ANKDD1B: variants seen among roughly 807,000 people sequenced by gnomAD.
ANKDD1B encodes the protein ankyrin repeat and death domain containing 1B.
In ANKDD1B, 57 loss-of-function variants were observed where a neutral mutation model predicts 59.7. The ratio of observed to expected loss-of-function variants is 0.95; its 90% CI spans 0.77 to 1.19. ANKDD1B has a LOEUF of 1.19. ANKDD1B is among the 50% of genes most tolerant of loss of function. The probability of loss-of-function intolerance (pLI) is 0.00; values close to 1 mark genes in which losing one functional copy is unlikely to be tolerated. For missense variants in ANKDD1B, 602 were observed against 641.9 expected (o/e 0.94, Z 0.67); for synonymous variants, 216 against 239.5 (o/e 0.90, Z 0.91).
rs116111001 is a variant in ANKDD1B at position 75,649,868 on chromosome 5, G to A, written c.799-3274G>A. ...CTGATCTACAAGTCTACCAATCTAT[G>A]GATCAATTGATTGTCCACCACCACT... is the stretch of plus-strand genomic sequence containing the variant. On this transcript the variant is annotated intron_variant, in intron 7 of 13. Transcript: ENST00000601380. 7.3e-3 allele frequency among the ~76,000 whole-genome samples: 1,117 copies of A among 152,280 alleles called. 6 individuals are homozygous for A. The highest frequency in any genetic ancestry group is 0.012 in the Non-Finnish European group (806 of 68,016).
chr5:75,632,744 CTGAGT>C (rs1368821766), intron 5 of ANKDD1B, among the ~76,000 whole-genome samples: 5 of 152,188 alleles, frequency 3.3e-5, no homozygotes, highest in African/African-American at 4.8e-5. Context: ...CACACTCATG[CTGAGT>C]TATGTACCCC....
chr5:75,617,610 TG>T (rs1773746808), intron 2 of ANKDD1B, among the ~76,000 whole-genome samples: 1 of 152,126 alleles, frequency 6.6e-6, no homozygotes, highest in Admixed American at 6.6e-5. Flanking sequence ...AAGGTGGGTG[TG>T]GCAGAGGTGG....
At chr5:75,666,156 C>A (rs952613866) in intron 11 of ANKDD1B, among the ~76,000 whole-genome samples, 2 of 152,128 alleles carry the variant, frequency 1.3e-5, no homozygotes, top group Admixed American at 6.6e-5. Flanking sequence ...ACAAAAGGAA[C>A]CTTTCAACAG....
rs571959691 is a variant in ANKDD1B at position 75,613,833 on chromosome 5, C to T, written c.193+2006C>T. Among the ~76,000 whole-genome samples the T allele has an allele frequency of 3.9e-5, 6 of 152,260 alleles. No homozygotes were observed. In the South Asian group the frequency reaches 6.2e-4, roughly 16 times the overall value. ...ACATCTGAGTGACTGGACTTAAAAA[C>T]GATCTATTTCTGACTGGGTGTGGTG... On this transcript the variant is annotated intron_variant, in intron 1 of 13. Transcript: ENST00000601380.
In ANKDD1B at chr5:75,666,922, A is replaced by C. The variant is rs1414440155; in HGVS notation, c.1322A>C (p.Glu441Ala). 6.5e-7 allele frequency: 1 copy of C among 1,530,988 alleles called. No individual in the cohort carries two copies. The highest frequency in any genetic ancestry group is 8.7e-7 in the Non-Finnish European group (1 of 1,144,940). The allele number at this position is 1,530,988 out of a possible 1,614,324, so 94.8% of individuals were successfully genotyped here. A position where few individuals can be genotyped will look rare whatever the true frequency, so the allele number is the denominator to read the frequency against. Residue 441 changes from glutamate to alanine, a missense_variant, in exon 12 of 14, where the codon GAG (glutamate) becomes GCG (alanine). Physicochemically the swap from Glu to Ala is moderately radical, Grantham distance 107. Around this residue, in one of 3 missense-constraint regions of ANKDD1B, gnomAD observed 280 missense variants for 319.8 expected, o/e 0.88. Coordinates refer to ENST00000601380, the MANE Select transcript of ANKDD1B (RefSeq NM_001276713.2). ...DLAYHQLKAN[E>A]WQRLARSWNF... Reference sequence around the variant, plus strand: ...GCTTACCATCAGCTGAAGGCCAATGAGTGGCAGAGGCTGGCCCGTTCGTGG... The same window carrying C: ...GCTTACCATCAGCTGAAGGCCAATGCGTGGCAGAGGCTGGCCCGTTCGTGG...
intron 8 of ANKDD1B, among the ~76,000 whole-genome samples, chr5:75,655,586 A>G (rs899018801): frequency 4.7e-4 from 72 of 152,308 alleles, no homozygotes; most frequent in African/African-American, 1.7e-3. Flanking sequence ...GTTCTTCAGA[A>G]TAGTCTTTTC....
intron 12 of ANKDD1B, among the ~76,000 whole-genome samples, chr5:75,668,191 T>C (rs1775364646): frequency 6.6e-6 from 1 of 152,136 alleles, no homozygotes; most frequent in African/African-American, 2.4e-5. Flanking sequence ...ATGGAACCTT[T>C]ATGGAGGGCC....
rs146955921 is a variant in ANKDD1B, at chr5:75,663,584, A to C, written c.1191+95A>C. The C allele has an allele frequency of 2.9e-4, 282 of 973,904 alleles. 7 individuals are homozygous for C. In the East Asian group the frequency reaches 7.2e-3, roughly 25 times the overall value. The allele number at this position is 973,904 out of a possible 1,614,324, so 60.3% of individuals were successfully genotyped here. A position where few individuals can be genotyped will look rare whatever the true frequency, so the allele number is the denominator to read the frequency against. On this transcript the variant is annotated intron_variant, in intron 11 of 13. Coordinates refer to ENST00000601380, the MANE Select transcript of ANKDD1B (RefSeq NM_001276713.2). The stretch of plus-strand genomic sequence containing the variant: ...GGGGGTCTGTGCCATTCTTTGCTCT[A>C]ATGAGCAGAGCTCTGGTCAGTACAA...
At chr5:75,638,516 A>T (rs11960741) in intron 7 of ANKDD1B, among the ~76,000 whole-genome samples, 13,663 of 152,208 alleles carry the variant, frequency 0.09, 1,492 homozygotes, top group African/African-American at 0.26. Flanking sequence ...AGAAAGTTTG[A>T]TCATGTGGCT....
intron 3 of ANKDD1B, among the ~76,000 whole-genome samples, chr5:75,624,286 AG>A: frequency 6.6e-6 from 1 of 152,306 alleles, no homozygotes; most frequent in South Asian, 2.1e-4. Flanking sequence ...CCAGAATTTG[AG>A]ATTAGTTCTG....
intron 5 of ANKDD1B, among the ~76,000 whole-genome samples, chr5:75,631,000 A>C (rs1774139391): frequency 6.6e-6 from 1 of 152,210 alleles, no homozygotes; most frequent in Non-Finnish European, 1.5e-5. Flanking sequence ...CATATGCCCA[A>C]TCTCGAACCA....
chr5:75,657,818 C>A (rs187798129), intron 9 of ANKDD1B, among the ~76,000 whole-genome samples: 11 of 151,794 alleles, frequency 7.2e-5, no homozygotes, highest in Non-Finnish European at 1.6e-4. Context: ...ATTGCTTGAA[C>A]CCAGGAGGTG....
intron 11 of ANKDD1B, among the ~76,000 whole-genome samples, chr5:75,665,472 G>T (rs1309670723): frequency 6.6e-6 from 1 of 152,140 alleles, no homozygotes; most frequent in Non-Finnish European, 1.5e-5. Flanking sequence ...AAGTGAAGTG[G>T]CCCACAGCTC....
At chr5:75,648,280 A>ATT (rs1774711530) in intron 7 of ANKDD1B, among the ~76,000 whole-genome samples, 3 of 139,492 alleles carry the variant, frequency 2.2e-5, no homozygotes, top group Admixed American at 7.2e-5. Flanking sequence ...AAAAAAAAAA[A>ATT]AAAGAATTCA....
chr5:75,616,419 T>A (rs952941074), intron 1 of ANKDD1B, among the ~76,000 whole-genome samples: 1 of 152,198 alleles, frequency 6.6e-6, no homozygotes, highest in East Asian at 1.9e-4. Context: ...GTTTTATCTC[T>A]GTAAGCTGTA....
At chr5:75,619,928 G>A (rs570306082) in intron 2 of ANKDD1B, among the ~76,000 whole-genome samples, 3 of 152,094 alleles carry the variant, frequency 2.0e-5, no homozygotes, top group East Asian at 1.9e-4. Flanking sequence ...GAAAATTTCC[G>A]CTATGCATTA....
Position 75,652,324 on chromosome 5 carries a change from GCT to G in ANKDD1B, c.799-815_799-814del, listed in dbSNP as rs1476155310. The stretch of plus-strand genomic sequence containing the variant: ...GTCTGTTGCACACGTGTTCCCTAGG[GCT>G]CTGACACTTTTATGGGAGACACTTA... On this transcript the variant is annotated intron_variant, in intron 7 of 13. Coordinates refer to ENST00000601380, the MANE Select transcript of ANKDD1B (RefSeq NM_001276713.2). Among the ~76,000 whole-genome samples the G allele has an allele frequency of 2.0e-5, 3 of 152,202 alleles. No individual in the cohort carries two copies. In the East Asian group the frequency reaches 5.8e-4, roughly 29 times the overall value.
At chr5:75,627,768 A>G (rs1774031101) in intron 5 of ANKDD1B, among the ~76,000 whole-genome samples, 1 of 152,160 alleles carries the variant, frequency 6.6e-6, no homozygotes, top group African/African-American at 2.4e-5. Context: ...TCCATGAAAG[A>G]TGGTAGTGTG....
chr5:75,624,936 C>T (rs552037565), intron 3 of ANKDD1B, among the ~76,000 whole-genome samples: 2 of 152,242 alleles, frequency 1.3e-5, no homozygotes, highest in South Asian at 4.1e-4. Flanking sequence ...TGTTGTAGCA[C>T]CAATTCATTA....
Sources: allele counts gnomAD v4.1 joint callset (sites outside exome capture counted in the v4.1 genomes callset), GRCh38; gene constraint gnomAD v4.1.1; regional missense constraint gnomAD v4.1.1; transcripts MANE v1.5; gene names NCBI Gene and HGNC (gene_info 2026-07-23, HGNC 2026-07-21).